The following OR2L13 variants were observed in gnomAD, a reference collection of about 807,000 sequenced individuals.
OR2L13 encodes olfactory receptor 2L13.
Under a neutral mutation model 15.3 loss-of-function variants are expected in OR2L13, and 14 were observed. That is an observed-to-expected ratio of 0.91 (90% CI 0.60 to 1.43). The LOEUF (loss-of-function observed/expected upper bound fraction) is 1.43. OR2L13 is among the 40% of genes most tolerant of loss of function. The pLI is 0.00. For synonymous variants in OR2L13, 152 were observed against 142.9 expected (o/e 1.06, Z -0.45); for missense variants, 367 against 387.9 (o/e 0.95, Z 0.45).
chr1:248,074,368 G>C, the OR2L13 span, among the ~76,000 whole-genome samples: 1 of 149,320 alleles, frequency 6.7e-6, no homozygotes, highest in Non-Finnish European at 1.5e-5. Context: ...ATTGCTGGTG[G>C]AGAGGTAAAA....
the OR2L13 span, chr1:248,022,507 C>G: frequency 6.2e-7 from 1 of 1,614,168 alleles, no homozygotes; most frequent in Non-Finnish European, 8.5e-7. Context: ...TTGACATTAG[C>G]CTGTACAGAC....
At chr1:248,027,173 G>A in the OR2L13 span, among the ~76,000 whole-genome samples, 1 of 152,264 alleles carries the variant, frequency 6.6e-6, no homozygotes, top group Non-Finnish European at 1.5e-5. Context: ...GTCTTTTACA[G>A]TCATAGATAA....
chr1:248,064,978 C>T, the OR2L13 span, among the ~76,000 whole-genome samples: 3 of 152,154 alleles, frequency 2.0e-5, no homozygotes, highest in African/African-American at 7.2e-5. Flanking sequence ...ACTCAGAGGC[C>T]ACTCCTTTCC....
chr1:247,972,960 G>A, the OR2L13 span, among the ~76,000 whole-genome samples: 8 of 152,108 alleles, frequency 5.3e-5, no homozygotes, highest in African/African-American at 1.9e-4. Context: ...TGGTATGCAT[G>A]GTTGATTCAA....
chr1:247,999,100 C>T, the OR2L13 span, among the ~76,000 whole-genome samples: 1 of 152,172 alleles, frequency 6.6e-6, no homozygotes, highest in Non-Finnish European at 1.5e-5. Context: ...ATCTCACAGA[C>T]AGCTCCTGGT....
chr1:248,007,271 A>G, the OR2L13 span, among the ~76,000 whole-genome samples: 1 of 152,126 alleles, frequency 6.6e-6, no homozygotes, highest in South Asian at 2.1e-4. Context: ...TGGTGATCCT[A>G]TTTTTCATGC....
At chr1:248,008,845 C>T in the OR2L13 span, among the ~76,000 whole-genome samples, 1 of 152,046 alleles carries the variant, frequency 6.6e-6, no homozygotes. Flanking sequence ...GTCCCTCAGA[C>T]CACAGTGCAA....
At chr1:248,016,673 T>G in the OR2L13 span, among the ~76,000 whole-genome samples, 4 of 152,162 alleles carry the variant, frequency 2.6e-5, no homozygotes, top group South Asian at 8.3e-4. Flanking sequence ...AATATTTGGA[T>G]AAACTAGACC....
At chr1:248,024,210 C>G in the OR2L13 span, 1 of 152,004 alleles carries the variant, frequency 6.6e-6, no homozygotes, top group African/African-American at 2.4e-5. Flanking sequence ...CTCTCCCTCC[C>G]CTTGCCCAAG....
the OR2L13 span, among the ~76,000 whole-genome samples, chr1:247,959,405 C>T: frequency 8.5e-5 from 13 of 152,242 alleles, no homozygotes; most frequent in South Asian, 2.1e-4. Flanking sequence ...TTTGGTGAAT[C>T]TGACATTTGC....
the OR2L13 span, chr1:248,061,706 G>T: frequency 8.1e-7 from 1 of 1,238,776 alleles, no homozygotes. Context: ...CAATCCTAGA[G>T]TTCAGGAGCT....
exon 3 of OR2L13, chr1:248,099,897 C>T: frequency 1.9e-6 from 3 of 1,614,124 alleles, no homozygotes; most frequent in Middle Eastern, 1.6e-4. Context: ...GGGCTATTGA[C>T]CATTTCTTCT....
chr1:248,006,070 C>G, the OR2L13 span, among the ~76,000 whole-genome samples: 1 of 152,096 alleles, frequency 6.6e-6, no homozygotes, highest in South Asian at 2.1e-4. Context: ...AAATAGGCCT[C>G]CCATCAGCAG....
the OR2L13 span, among the ~76,000 whole-genome samples, chr1:248,026,426 A>G: frequency 6.6e-6 from 1 of 152,210 alleles, no homozygotes; most frequent in Non-Finnish European, 1.5e-5. Context: ...AATCCCAAGT[A>G]TGGTTCACGT....
chr1:248,091,890 C>A (rs1362074066), upstream of OR2L13, among the ~76,000 whole-genome samples: 1 of 151,990 alleles, frequency 6.6e-6, no homozygotes, highest in Non-Finnish European at 1.5e-5. Context: ...GGCAGTATGG[C>A]CATTTTAAGA....
At chr1:248,074,963 G>T in the OR2L13 span, among the ~76,000 whole-genome samples, 2 of 152,068 alleles carry the variant, frequency 1.3e-5, no homozygotes, top group Non-Finnish European at 2.9e-5. Flanking sequence ...ATGTTGGTTT[G>T]CTGCACCCAT....
chr1:248,001,973 A>G, the OR2L13 span, among the ~76,000 whole-genome samples: 8 of 152,316 alleles, frequency 5.3e-5, no homozygotes, highest in African/African-American at 1.9e-4. Flanking sequence ...AACAATTTCA[A>G]ATATTACATG....
At chr1:247,949,685 C>T in the OR2L13 span, 1 of 1,613,934 alleles carries the variant, frequency 6.2e-7, no homozygotes, top group Non-Finnish European at 8.5e-7. Context: ...TGGCTGTCTT[C>T]TACACCATCC....
chr1:247,984,041 G>A, the OR2L13 span, among the ~76,000 whole-genome samples: 2 of 152,084 alleles, frequency 1.3e-5, no homozygotes, highest in African/African-American at 4.8e-5. Context: ...GTAAATTGAG[G>A]CAATCTCCTA....
Sources: allele counts gnomAD v4.1 joint callset (sites outside exome capture counted in the v4.1 genomes callset), GRCh38; gene constraint gnomAD v4.1.1; transcripts MANE v1.5; gene names NCBI Gene and HGNC (gene_info 2026-07-23, HGNC 2026-07-21).